The following SLC25A21 variants were observed in gnomAD, a reference collection of about 807,000 sequenced individuals.
The protein encoded by SLC25A21 is mitochondrial 2-oxodicarboxylate carrier.
In SLC25A21, 47 loss-of-function variants were observed where a neutral mutation model predicts 43.8. That is an observed-to-expected ratio of 1.07 (90% CI 0.85 to 1.37). The LOEUF (loss-of-function observed/expected upper bound fraction) is 1.37. Among genes scored for constraint, SLC25A21 ranks in the 40% most tolerant of loss-of-function variants. The probability of loss-of-function intolerance (pLI) is 0.00; values close to 1 mark genes in which losing one functional copy is unlikely to be tolerated. For synonymous variants in SLC25A21, 131 were observed against 121.3 expected (o/e 1.08, Z -0.52); for missense variants, 352 against 350.2 (o/e 1.00, Z -0.04).
chr14:37,006,955 A>C (rs755688987), intron 1 of SLC25A21, among the ~76,000 whole-genome samples: 9 of 152,318 alleles, frequency 5.9e-5, no homozygotes, highest in African/African-American at 1.2e-4. Flanking sequence ...ACAAACAAAC[A>C]AACCCAGCAT....
rs1962179394 is a variant in SLC25A21, at chr14:37,071,826, G to GAAA, written c.70+100452_70+100454dup. ...ATCATTTGCATGTGCTGCTGAAGAAGAAAAATGCTACTAATTAGTTGGAAG... is the reference window on the plus strand; with the variant it reads ...ATCATTTGCATGTGCTGCTGAAGAAGAAAAAAAATGCTACTAATTAGTTGGAAG... On this transcript the variant is annotated intron_variant, in intron 1 of 9. Coordinates refer to ENST00000331299, the MANE Select transcript of SLC25A21 (RefSeq NM_030631.4). Among the ~76,000 whole-genome samples, 7 of 152,124 alleles carry GAAA rather than the reference G, an allele frequency of 4.6e-5. No homozygotes were observed. In the South Asian group the frequency reaches 1.4e-3, roughly 32 times the overall value.
chr14:37,012,689 T>A (rs1274235307), intron 1 of SLC25A21, among the ~76,000 whole-genome samples: 1 of 152,196 alleles, frequency 6.6e-6, no homozygotes, highest in African/African-American at 2.4e-5. Context: ...TGAATGTGCG[T>A]GGTAAGCCGA....
intron 1 of SLC25A21, among the ~76,000 whole-genome samples, chr14:37,018,995 C>A (rs554328658): frequency 6.6e-6 from 1 of 152,116 alleles, no homozygotes; most frequent in South Asian, 2.1e-4. Flanking sequence ...TTATGTCTTG[C>A]TCCATCCTCT....
intron 2 of SLC25A21, among the ~76,000 whole-genome samples, chr14:36,842,100 T>C (rs1889402345): frequency 6.6e-6 from 1 of 152,188 alleles, no homozygotes; most frequent in South Asian, 2.1e-4. Context: ...GTGTGGGAGA[T>C]GTGTCCTATT....
chr14:36,793,920 G>GAA lies in SLC25A21; in HGVS notation c.203+19996_203+19997dup, dbSNP rs57263212. On this transcript the variant is annotated intron_variant, in intron 3 of 9. Coordinates refer to ENST00000331299, the MANE Select transcript of SLC25A21 (RefSeq NM_030631.4). ...GTGAAATGTTCATTTTGCAGATCAG[G>GAA]AAAAAAAAAAAAAAAAAAACTTGGC... Among the ~76,000 whole-genome samples, 307 of 111,506 alleles carry GAA rather than the reference G, an allele frequency of 2.8e-3. 2 individuals are homozygous for GAA. The highest frequency in any genetic ancestry group is 0.012 in the East Asian group (47 of 3,976). The allele number at this position is 111,506 out of a possible 152,430, so 73.2% of individuals were successfully genotyped here. A position where few individuals can be genotyped will look rare whatever the true frequency, so the allele number is the denominator to read the frequency against.
At chr14:36,862,116 G>A (rs1191553350) in intron 2 of SLC25A21, among the ~76,000 whole-genome samples, 1 of 152,184 alleles carries the variant, frequency 6.6e-6, no homozygotes, top group Middle Eastern at 3.2e-3. Context: ...AACAACACAT[G>A]CTGGAGAGGA....
chr14:37,170,194 C>A (rs746487649), intron 1 of SLC25A21, among the ~76,000 whole-genome samples: 1 of 151,200 alleles, frequency 6.6e-6, no homozygotes, highest in African/African-American at 2.4e-5. Flanking sequence ...CACCACCAAG[C>A]CCAGCTGATT....
At chr14:36,802,171 C>T (rs1887891340) in intron 3 of SLC25A21, among the ~76,000 whole-genome samples, 1 of 152,072 alleles carries the variant, frequency 6.6e-6, no homozygotes, top group African/African-American at 2.4e-5. Context: ...AATTTTCTTA[C>T]TATCTGTTTT....
chr14:36,792,571 T>C (rs1197603549), intron 3 of SLC25A21, among the ~76,000 whole-genome samples: 1 of 152,260 alleles, frequency 6.6e-6, no homozygotes, highest in African/African-American at 2.4e-5. Flanking sequence ...ATGTCCAAAG[T>C]GCAGGCAACT....
At chr14:36,702,475 C>CAAA (rs1213350246) in intron 7 of SLC25A21, among the ~76,000 whole-genome samples, 1,474 of 64,708 alleles carry the variant, frequency 0.023, 34 homozygotes, top group African/African-American at 0.035. Flanking sequence ...CCTGTCTCCA[C>CAAA]AAAAAAAAAA....
At position 36,740,125 on chromosome 14, in the gene SLC25A21, G is replaced by A. The variant is rs74044959; in HGVS notation, c.204-5552C>T. ...TGGAGCACATCCCTTTCTGAACAAA[G>A]AGCCTTAAATCGAAATTCTTAAAAT... On this transcript the variant is annotated intron_variant, in intron 3 of 9. Coordinates refer to ENST00000331299, the MANE Select transcript of SLC25A21 (RefSeq NM_030631.4). 3.8e-3 allele frequency among the ~76,000 whole-genome samples: 582 copies of A among 152,288 alleles called. 4 individuals carry two copies. The highest frequency in any genetic ancestry group is 0.013 in the African/African-American group (549 of 41,566).
chr14:37,025,236 A>C (rs1961068754), intron 1 of SLC25A21, among the ~76,000 whole-genome samples: 1 of 152,172 alleles, frequency 6.6e-6, no homozygotes, highest in Non-Finnish European at 1.5e-5. Context: ...AAGTCACTGA[A>C]ACATTCTTAA....
chr14:36,916,289 T>A (rs1380068556), intron 1 of SLC25A21, among the ~76,000 whole-genome samples: 1 of 152,198 alleles, frequency 6.6e-6, no homozygotes, highest in Non-Finnish European at 1.5e-5. Flanking sequence ...AGATGTTGTC[T>A]CTTGAGGAGG....
chr14:36,813,887 A>C (rs780198063), intron 3 of SLC25A21, 31 bp downstream of exon 3: 36 of 1,431,320 alleles, frequency 2.5e-5, no homozygotes, highest in Non-Finnish European at 3.3e-5. Context: ...GTAGAAACAT[A>C]TTAAAATGGC....
intron 9 of SLC25A21, among the ~76,000 whole-genome samples, chr14:36,681,190 T>G (rs1481351226): frequency 2.6e-5 from 4 of 152,192 alleles, no homozygotes; most frequent in Admixed American, 2.6e-4. Flanking sequence ...TGTCATAGCT[T>G]TCAAACTGCA....
At chr14:37,093,911 C>T (rs1187467610) in intron 1 of SLC25A21, among the ~76,000 whole-genome samples, 1 of 152,180 alleles carries the variant, frequency 6.6e-6, no homozygotes, top group Non-Finnish European at 1.5e-5. Context: ...GGTCATCTGG[C>T]ATGATCCCAT....
intron 3 of SLC25A21, among the ~76,000 whole-genome samples, chr14:36,771,750 A>G (rs1886627408): frequency 8.6e-6 from 1 of 115,848 alleles, no homozygotes. Flanking sequence ...CCAAGCAAGA[A>G]ACATAAAAAA....
At chr14:36,778,909 C>G (rs1009759082) in intron 3 of SLC25A21, among the ~76,000 whole-genome samples, 3 of 152,042 alleles carry the variant, frequency 2.0e-5, no homozygotes, top group Non-Finnish European at 4.4e-5. Context: ...CCATGCTGTA[C>G]ATTAGATCTC....
rs761657899 is a variant in SLC25A21, at chr14:36,683,790, TAAAG to T, written c.838+34_838+37del. ...ATCAAAAAAAGAGACGCTAGAACAA[TAAAG>T]AAGGAAGGATTAAATAATCAAAATT... On this transcript the variant is annotated intron_variant, in intron 9 of 9. Transcript: ENST00000331299. 4 of 1,461,856 alleles carry T rather than the reference TAAAG, an allele frequency of 2.7e-6. No individual in the cohort carries two copies. The East Asian group carries it at 9.1e-5, about 33-fold the overall frequency. 90.6% of individuals were successfully genotyped at this position (1,461,856 alleles called of 1,614,324 possible).
Sources: gnomAD v4.1 joint callset for allele counts (sites outside exome capture counted in the v4.1 genomes callset) on GRCh38, gnomAD v4.1.1 for gene constraint, MANE v1.5 for transcripts, NCBI Gene and HGNC (gene_info 2026-07-23, HGNC 2026-07-21) for gene names.